The following TRIM37 variants were observed in gnomAD, a reference collection of about 807,000 sequenced individuals.
The protein encoded by TRIM37 is tripartite motif containing 37.
A neutral mutation model predicts 129.8 loss-of-function variants in TRIM37; 80 were observed. That is an observed-to-expected ratio of 0.62 (90% confidence interval 0.51 to 0.74). TRIM37 has a LOEUF of 0.74. Ranked by LOEUF, TRIM37 falls within the 30% of genes least tolerant of loss-of-function variation. The pLI is 0.00. For missense variants in TRIM37, 1,054 were observed against 1,176.5 expected, an observed-to-expected ratio of 0.90 and a Z score of 1.52; for synonymous variants, 389 against 387.1, an observed-to-expected ratio of 1.00 and a Z score of -0.06.
intron 7 of TRIM37, among the ~76,000 whole-genome samples, chr17:59,077,978 A>G (rs2042959387): frequency 6.6e-6 from 1 of 151,408 alleles, no homozygotes; most frequent in African/African-American, 2.4e-5. Flanking sequence ...ACAAAAAATT[A>G]GCTGGGGGTG....
chr17:59,094,046 C>T (rs1385146566), intron 2 of TRIM37, among the ~76,000 whole-genome samples: 1 of 152,066 alleles, frequency 6.6e-6, no homozygotes, highest in Non-Finnish European at 1.5e-5. Flanking sequence ...AGGCATGCGA[C>T]GCCACACCCA....
chr17:59,002,009 T>C (rs1166994513), intron 22 of TRIM37, among the ~76,000 whole-genome samples: 2 of 152,212 alleles, frequency 1.3e-5, no homozygotes, highest in Non-Finnish European at 2.9e-5. Context: ...GATAATACTT[T>C]TTTCCAAATC....
Position 58,999,458 on chromosome 17 carries a change from A to G in TRIM37, c.2814T>C (p.Asp938=), listed in dbSNP as rs1294489232. Residue 938 remains aspartate (D), a splice_region_variant and synonymous_variant, in exon 24 of 24, where the codon GAT becomes GAC. Coordinates refer to ENST00000262294, the MANE Select transcript of TRIM37 (RefSeq NM_015294.6). ...CACCATCAGGAAAACTGGAATGTGT[A>G]TCTATGATTAAAAAATAAATAAAAA... ...FMVMTQPPDE[D]THSSFPDGEQ... The G allele has an allele frequency of 1.2e-6, 2 of 1,605,340 alleles. No individual in the cohort carries two copies. The highest frequency in any genetic ancestry group is 3.4e-5 in the Admixed American group (2 of 59,568).
At chr17:59,047,959 G>A (rs1321941220) in intron 15 of TRIM37, 140 bp from the exon 16 acceptor site, 1 of 923,086 alleles carries the variant, frequency 1.1e-6, no homozygotes, top group Admixed American at 2.1e-5. Context: ...CTCAGCTGCT[G>A]AGCCCTGTAG....
At chr17:58,996,269 G>A (rs567271020), downstream of TRIM37, among the ~76,000 whole-genome samples, 2 of 151,642 alleles carry the variant, frequency 1.3e-5, no homozygotes, top group South Asian at 4.2e-4. Flanking sequence ...GTCAGAGTTC[G>A]AGACCAGCCT....
intron 2 of TRIM37, among the ~76,000 whole-genome samples, chr17:59,097,645 G>C (rs2045033347): frequency 6.6e-6 from 1 of 152,154 alleles, no homozygotes; most frequent in African/African-American, 2.4e-5. Flanking sequence ...AAGACAAGAG[G>C]GTCTCTTGAA....
chr17:58,997,890 G>C (rs1201691258), downstream of TRIM37, among the ~76,000 whole-genome samples: 6 of 152,058 alleles, frequency 3.9e-5, no homozygotes, highest in Non-Finnish European at 8.8e-5. Context: ...GGAAAACAGC[G>C]GTGTTCCCGA....
At position 59,083,014 on chromosome 17, in the gene TRIM37, C is replaced by T. The variant is rs559768129; in HGVS notation, c.369+988G>A. 2.6e-5 allele frequency among the ~76,000 whole-genome samples: 4 copies of T among 152,336 alleles called. No homozygotes were observed. In the South Asian group the frequency reaches 8.3e-4, roughly 32 times the overall value. On this transcript the variant is annotated intron_variant, in intron 5 of 23. Transcript: ENST00000262294. The stretch of plus-strand genomic sequence containing the variant: ...ACTGATGCCCACAGAATGATCAATT[C>T]TTATAGCAACTCTAGATACCTACCC...
rs559426178 is a variant in TRIM37, at chr17:59,068,416, C to T, written c.809+2407G>A. ...AGCCCTGACTTAGGTCATCCATGCA[C>T]CACACTTTGAATTGAAAAATACTAA... is the stretch of plus-strand genomic sequence containing the variant. On this transcript the variant is annotated intron_variant, in intron 9 of 23. Coordinates refer to ENST00000262294, the MANE Select transcript of TRIM37 (RefSeq NM_015294.6). Among the ~76,000 whole-genome samples the T allele has an allele frequency of 3.9e-5, 6 of 152,310 alleles. No homozygotes were observed. The East Asian group carries it at 1.2e-3, about 29-fold the overall frequency.
At chr17:59,040,593 A>C (rs1022931658) in intron 17 of TRIM37, among the ~76,000 whole-genome samples, 29 of 152,214 alleles carry the variant, frequency 1.9e-4, no homozygotes, top group African/African-American at 6.8e-4. Flanking sequence ...GGCTAAAGAA[A>C]GAACTTGAAA....
chr17:59,015,542 C>T, intron 21 of TRIM37, 68 bp downstream of exon 21: 1 of 1,436,388 alleles, frequency 7.0e-7, no homozygotes, highest in Non-Finnish European at 9.8e-7. Context: ...CATCATGATG[C>T]ATACTTAAAG....
chr17:59,057,113 C>G (rs1451697546), intron 12 of TRIM37, 59 bp from the exon 13 acceptor site: 4 of 1,460,294 alleles, frequency 2.7e-6, no homozygotes, highest in Non-Finnish European at 3.8e-6. Context: ...AAAAAACAAA[C>G]TCATCTAAAC....
At chr17:59,092,812 G>A (rs1158546092) in intron 2 of TRIM37, among the ~76,000 whole-genome samples, 1 of 152,108 alleles carries the variant, frequency 6.6e-6, no homozygotes, top group Non-Finnish European at 1.5e-5. Context: ...TTAAAGGACA[G>A]TAAAAGACTT....
intron 2 of TRIM37, among the ~76,000 whole-genome samples, chr17:59,095,893 T>A (rs907957640): frequency 1.3e-5 from 2 of 151,938 alleles, no homozygotes; most frequent in African/African-American, 4.8e-5. Context: ...AATTTTTTAA[T>A]TTTTTTTGCA....
intron 9 of TRIM37, among the ~76,000 whole-genome samples, chr17:59,068,539 T>A (rs2042105729): frequency 6.6e-6 from 1 of 152,220 alleles, no homozygotes; most frequent in African/African-American, 2.4e-5. Flanking sequence ...CTGACCACAG[T>A]ATCAATGAAG....
intron 16 of TRIM37, among the ~76,000 whole-genome samples, chr17:59,044,548 G>A (rs949175299): frequency 2.0e-5 from 3 of 151,964 alleles, no homozygotes; most frequent in Non-Finnish European, 2.9e-5. Context: ...GGCGACAAGA[G>A]CGAAACTCCG....
chr17:59,073,927 C>T (rs966670851), intron 8 of TRIM37, among the ~76,000 whole-genome samples: 5 of 152,064 alleles, frequency 3.3e-5, no homozygotes, highest in African/African-American at 9.7e-5. Flanking sequence ...ATATAGTCAA[C>T]GTTTTTTTAA....
Position 59,085,326 on chromosome 17 carries a change from C to CA in TRIM37, c.282-1238dup, listed in dbSNP as rs569276825. ...TGTGCAACAGAGCAAGACTCTGCCT[C>CA]AAAAAAAAAAGAAAAGAATGAAGGT... On this transcript the variant is annotated intron_variant, in intron 4 of 23. Coordinates refer to ENST00000262294, the MANE Select transcript of TRIM37 (RefSeq NM_015294.6). Among the ~76,000 whole-genome samples the CA allele has an allele frequency of 6.6e-3, 926 of 139,336 alleles. 12 individuals carry two copies. The highest frequency in any genetic ancestry group is 0.023 in the African/African-American group (857 of 37,762). 91.4% of individuals were successfully genotyped at this position (139,336 alleles called of 152,430 possible).
Position 58,982,887 on chromosome 17 carries a change from C to CCAT in TRIM37, c.*28_*30dup, listed in dbSNP as rs767938650. 6 of 1,569,426 alleles carry CCAT rather than the reference C, an allele frequency of 3.8e-6. No individual in the cohort carries two copies. The Admixed American group carries it at 1.1e-4, about 29-fold the overall frequency. On this transcript the variant is annotated 3_prime_UTR_variant, in exon 25 of 25. Coordinates refer to the TRIM37 transcript ENST00000393066. Reference sequence around the variant, plus strand: ...CTTCTGAAGCCTAGATCTTGTTAACCCATCAGGTGCAGTGTCAGTTTCAAA... The same window carrying CCAT: ...CTTCTGAAGCCTAGATCTTGTTAACCCATCATCAGGTGCAGTGTCAGTTTCAAA...
Sources: allele counts gnomAD v4.1 joint callset (sites outside exome capture counted in the v4.1 genomes callset), GRCh38; gene constraint gnomAD v4.1.1; transcripts MANE v1.5; gene names NCBI Gene and HGNC (gene_info 2026-07-23, HGNC 2026-07-21).